ATRNL1: variants seen among roughly 807,000 people sequenced by gnomAD.
The protein encoded by ATRNL1 is attractin like 1.
A neutral mutation model predicts 182.7 loss-of-function variants in ATRNL1; 95 were observed. That is an observed-to-expected ratio of 0.52 (90% CI 0.44 to 0.62). The LOEUF (loss-of-function observed/expected upper bound fraction) is 0.62. Among genes scored for constraint, ATRNL1 ranks in the 20% least tolerant of loss-of-function variants. The pLI is 0.00. For synonymous variants in ATRNL1, 576 were observed against 568.3 expected (o/e 1.01, Z -0.19); for missense variants, 1,471 against 1,679.5 (o/e 0.88, Z 2.17).
At chr10:115,696,449 A>C (rs1464610232) in intron 26 of ATRNL1, among the ~76,000 whole-genome samples, 1 of 152,162 alleles carries the variant, frequency 6.6e-6, no homozygotes, top group Non-Finnish European at 1.5e-5. Context: ...CAGCCTGGTT[A>C]ACAGAGAGAT....
chr10:115,195,224 GTTGT>G (rs1315501194), intron 8 of ATRNL1, among the ~76,000 whole-genome samples: 2 of 151,900 alleles, frequency 1.3e-5, no homozygotes, highest in Non-Finnish European at 2.9e-5. Flanking sequence ...ATGATTTCCT[GTTGT>G]TTGTTAATAT....
At chr10:115,229,762 TATCTC>T (rs1554899547) in intron 9 of ATRNL1, among the ~76,000 whole-genome samples, 1 of 152,150 alleles carries the variant, frequency 6.6e-6, no homozygotes, top group African/African-American at 2.4e-5. Flanking sequence ...AATAAGTACT[TATCTC>T]TGTAGCTTTG....
intron 8 of ATRNL1, among the ~76,000 whole-genome samples, chr10:115,185,099 T>G (rs1554888544): frequency 6.6e-6 from 1 of 152,002 alleles, no homozygotes; most frequent in African/African-American, 2.4e-5. Context: ...TGGATTGCAA[T>G]TGGAGGTATC....
chr10:115,415,702 C>T (rs1845356741), intron 20 of ATRNL1, among the ~76,000 whole-genome samples: 1 of 151,168 alleles, frequency 6.6e-6, no homozygotes, highest in Admixed American at 6.6e-5. Flanking sequence ...TTATTTTTTA[C>T]GTTTAGATTT....
At chr10:115,883,870 T>G in intron 28 of ATRNL1, among the ~76,000 whole-genome samples, 1 of 152,240 alleles carries the variant, frequency 6.6e-6, no homozygotes, top group East Asian at 1.9e-4. Flanking sequence ...AGAGGCAGTC[T>G]TTTCAAACTG....
At chr10:115,202,996 C>T (rs1380840845) in intron 8 of ATRNL1, among the ~76,000 whole-genome samples, 1 of 151,818 alleles carries the variant, frequency 6.6e-6, no homozygotes, top group Non-Finnish European at 1.5e-5. Context: ...TCCATTTCTT[C>T]TAGATTTTCT....
At chr10:115,512,326 G>T (rs1850425119) in intron 24 of ATRNL1, among the ~76,000 whole-genome samples, 2 of 151,660 alleles carry the variant, frequency 1.3e-5, no homozygotes, top group South Asian at 4.2e-4. Flanking sequence ...TTTTAAGATG[G>T]TATCATTTTT....
chr10:115,589,377 A>G (rs1362745782), intron 26 of ATRNL1, among the ~76,000 whole-genome samples: 1 of 152,160 alleles, frequency 6.6e-6, no homozygotes, highest in African/African-American at 2.4e-5. Context: ...GGAAAATATT[A>G]TATTTATTCA....
rs781975714 is a variant in ATRNL1, at chr10:115,944,816, T to C, written c.*37T>C. 6.3e-6 allele frequency: 10 copies of C among 1,590,550 alleles called. No homozygotes were observed. The highest frequency in any genetic ancestry group is 8.6e-6 in the Non-Finnish European group (10 of 1,168,138). ...CGCTCCTGTATATTCTGTACTGTTT[T>C]ACTTCGGGCTTCTGTTAAAGCTGTT... On this transcript the variant is annotated 3_prime_UTR_variant, in exon 29 of 29. Transcript: ENST00000355044.
chr10:115,660,779 G>C (rs1860633846), intron 26 of ATRNL1, among the ~76,000 whole-genome samples: 1 of 152,136 alleles, frequency 6.6e-6, no homozygotes, highest in Non-Finnish European at 1.5e-5. Flanking sequence ...AAAGAGAAGA[G>C]AAAGGATTTT....
chr10:115,536,435 C>T (rs1852009593), intron 25 of ATRNL1, among the ~76,000 whole-genome samples: 1 of 152,196 alleles, frequency 6.6e-6, no homozygotes, highest in South Asian at 2.1e-4. Flanking sequence ...ATATAATCTC[C>T]TGGTGCGCCA....
rs114747880 is a variant in ATRNL1, at chr10:115,310,436, A to G, written c.2819-5082A>G. Reference sequence around the variant, plus strand: ...GGTACCAATTCTTTGAATATCTAGTATAATTCGGCTGTGAATCCCCTGGCC... The same window carrying G: ...GGTACCAATTCTTTGAATATCTAGTGTAATTCGGCTGTGAATCCCCTGGCC... On this transcript the variant is annotated intron_variant, in intron 17 of 28. Transcript: ENST00000355044. Among the ~76,000 whole-genome samples the G allele has an allele frequency of 5.4e-3, 822 of 152,210 alleles. 5 individuals are homozygous for G. The highest frequency in any genetic ancestry group is 0.018 in the African/African-American group (759 of 41,558).
intron 26 of ATRNL1, among the ~76,000 whole-genome samples, chr10:115,611,614 A>G (rs1857163465): frequency 6.6e-6 from 1 of 152,188 alleles, no homozygotes. Flanking sequence ...TAATTGATTT[A>G]AAAAGACAAT....
At chr10:115,858,240 G>C (rs554598482) in intron 28 of ATRNL1, among the ~76,000 whole-genome samples, 94 of 152,260 alleles carry the variant, frequency 6.2e-4, no homozygotes, top group Non-Finnish European at 1.2e-3. Context: ...ATACATGCAC[G>C]CATATGTTCA....
chr10:115,881,041 G>T (rs965321746), intron 28 of ATRNL1, among the ~76,000 whole-genome samples: 2 of 152,148 alleles, frequency 1.3e-5, no homozygotes, highest in Admixed American at 1.3e-4. Context: ...CTGTATTTTT[G>T]TGGAGCTGTC....
chr10:115,774,404 G>A (rs1430059545), intron 27 of ATRNL1, among the ~76,000 whole-genome samples: 30 of 128,520 alleles, frequency 2.3e-4, no homozygotes, highest in Non-Finnish European at 6.3e-5. Flanking sequence ...CAGCCTGGGC[G>A]ACAAGAGCAA....
chr10:115,716,331 GA>G (rs1431154425), intron 26 of ATRNL1, among the ~76,000 whole-genome samples: 3 of 151,906 alleles, frequency 2.0e-5, no homozygotes, highest in East Asian at 1.9e-4. Flanking sequence ...TTCCTCAAAG[GA>G]AAAAAATATC....
chr10:115,340,447 CTTTCTTTTTTTTTCTTTTCTTTTCT>C (rs1223061785), intron 19 of ATRNL1, among the ~76,000 whole-genome samples: 2 of 101,460 alleles, frequency 2.0e-5, no homozygotes, highest in African/African-American at 7.5e-5. Context: ...GGCTAGTTTT[CTTTCTTTTTTTTTCTTTTCTTTTCT>C]TTTCTTTTTT....
chr10:115,229,025 C>T (rs1359862660), intron 9 of ATRNL1, among the ~76,000 whole-genome samples: 1 of 152,006 alleles, frequency 6.6e-6, no homozygotes, highest in African/African-American at 2.4e-5. Flanking sequence ...CCTCGACCTC[C>T]TGTAGTGCTG....
Sources: gnomAD v4.1 joint callset for allele counts (sites outside exome capture counted in the v4.1 genomes callset) on GRCh38, gnomAD v4.1.1 for gene constraint, MANE v1.5 for transcripts, NCBI Gene and HGNC (gene_info 2026-07-23, HGNC 2026-07-21) for gene names.